The following NYAP2 variants were observed in gnomAD, a reference collection of about 807,000 sequenced individuals.
The protein encoded by NYAP2 is neuronal tyrosine-phosphorylated phosphoinositide-3-kinase adaptor 2.
A neutral mutation model predicts 50.4 loss-of-function variants in NYAP2; 23 were observed. The ratio of observed to expected loss-of-function variants is 0.46; its 90% CI spans 0.33 to 0.65. NYAP2 has a LOEUF of 0.65. NYAP2 is among the 30% of genes least tolerant of loss of function. NYAP2 has a pLI of 0.02. For synonymous variants in NYAP2, 394 were observed against 365.2 expected (o/e 1.08, Z -0.90); for missense variants, 885 against 861.0 (o/e 1.03, Z -0.35).
At chr2:225,549,057 T>A (rs1271561712) in intron 4 of NYAP2, among the ~76,000 whole-genome samples, 2 of 152,136 alleles carry the variant, frequency 1.3e-5, no homozygotes, top group Non-Finnish European at 2.9e-5. Flanking sequence ...TTTTTGTATT[T>A]TTTAGTAGAG....
intron 4 of NYAP2, among the ~76,000 whole-genome samples, chr2:225,536,848 G>A (rs996213602): frequency 1.1e-4 from 16 of 150,342 alleles, no homozygotes; most frequent in Admixed American, 8.6e-4. Flanking sequence ...GTGTGATCTC[G>A]TCTCACTGCA....
At chr2:225,410,174 C>G (rs1695011550) in intron 3 of NYAP2, among the ~76,000 whole-genome samples, 1 of 151,738 alleles carries the variant, frequency 6.6e-6, no homozygotes, top group Non-Finnish European at 1.5e-5. Context: ...GATTTGAAAG[C>G]AAAAAACTAG....
At chr2:225,563,127 C>T (rs1252114882) in intron 4 of NYAP2, among the ~76,000 whole-genome samples, 1 of 151,988 alleles carries the variant, frequency 6.6e-6, no homozygotes, top group East Asian at 1.9e-4. Context: ...AGCTGGGGCT[C>T]CAGAAGTGAG....
intron 3 of NYAP2, among the ~76,000 whole-genome samples, chr2:225,422,094 G>T (rs1048790482): frequency 1.3e-5 from 2 of 150,354 alleles, no homozygotes; most frequent in African/African-American, 4.9e-5. Context: ...TTTTGTGTTT[G>T]TTCTGTTCAG....
the NYAP2 span, among the ~76,000 whole-genome samples, chr2:225,694,707 TATAAA>T: frequency 6.6e-6 from 1 of 151,856 alleles, no homozygotes; most frequent in East Asian, 1.9e-4. Context: ...TGATAGCAGA[TATAAA>T]ATAAGAAGAT....
chr2:225,636,161 G>C lies in NYAP2; in HGVS notation c.1828+9035G>C, dbSNP rs1041222839. Among the ~76,000 whole-genome samples the C allele has an allele frequency of 2.8e-4, 42 of 152,140 alleles. 1 individual carries two copies. Among genetic ancestry groups the C allele is most frequent in the African/African-American group, 7.0e-4 (29 of 41,434 alleles). ...GAATGTTATAAGTAAGCCAAGCACA[G>C]CTGGCTAAAGGGAAGGCCATTCAAA... On this transcript the variant is annotated intron_variant, in intron 6 of 6. Coordinates refer to ENST00000636099, the Ensembl canonical transcript of NYAP2.
intron 5 of NYAP2, 91 bp downstream of exon 5, chr2:225,583,126 AC>A (rs1207760856): frequency 1.4e-6 from 2 of 1,434,724 alleles, no homozygotes; most frequent in African/African-American, 2.8e-5. Context: ...CGCACAGAGT[AC>A]GGGGTCTTGA....
chr2:225,677,680 TTTTG>T, the NYAP2 span, among the ~76,000 whole-genome samples: 1 of 151,300 alleles, frequency 6.6e-6, no homozygotes, highest in Admixed American at 6.6e-5. Flanking sequence ...AGCATATGGT[TTTTG>T]TTTCTGATTC....
chr2:225,582,473 G>A lies in NYAP2; in HGVS notation c.1056G>A (p.Glu352=), dbSNP rs1482420429. Reference sequence around the variant, plus strand: ...TGCATTGCTCCCCCAACTCCGACGAGTCCCCGCTTACCCCTCTGGAGGTCA... The same window carrying A: ...TGCATTGCTCCCCCAACTCCGACGAATCCCCGCTTACCCCTCTGGAGGTCA... Residue 352 remains glutamate, a synonymous_variant, in exon 5 of 7, where the codon GAG becomes GAA. Transcript: ENST00000636099. The surrounding 1 kb of genome is among the most constrained non-coding windows in gnomAD (Gnocchi z 7.0). 1 of 1,475,690 alleles carries A rather than the reference G, an allele frequency of 6.8e-7. No homozygotes were observed. The highest frequency in any genetic ancestry group is 2.0e-5 in the Admixed American group (1 of 49,004). 91.4% of individuals were successfully genotyped at this position (1,475,690 alleles called of 1,614,324 possible). A position where few individuals can be genotyped will look rare whatever the true frequency, so the allele number is the denominator to read the frequency against.
At chr2:225,438,915 C>CA (rs1208656233) in intron 3 of NYAP2, among the ~76,000 whole-genome samples, 1 of 152,088 alleles carries the variant, frequency 6.6e-6, no homozygotes, top group African/African-American at 2.4e-5. Context: ...CAGAAGTACC[C>CA]AAGTATAATG....
downstream of NYAP2, among the ~76,000 whole-genome samples, chr2:225,658,510 G>A (rs904503944): frequency 6.6e-6 from 1 of 152,310 alleles, no homozygotes; most frequent in Non-Finnish European, 1.5e-5. Context: ...GTGAAATGTG[G>A]AATAAATTCA....
At chr2:225,451,924 C>T (rs1435768932) in intron 3 of NYAP2, among the ~76,000 whole-genome samples, 1 of 151,738 alleles carries the variant, frequency 6.6e-6, no homozygotes, top group African/African-American at 2.4e-5. Flanking sequence ...CTCCCAATTT[C>T]TCTCTCTCTC....
chr2:225,409,057 A>G (rs761919175), exon 3 of NYAP2: 44 of 1,611,212 alleles, frequency 2.7e-5, no homozygotes, highest in Non-Finnish European at 3.6e-5. Flanking sequence ...CCTATTTGAA[A>G]GAGAAGAATG....
chr2:225,532,135 C>CTT (rs1441273957), intron 4 of NYAP2, among the ~76,000 whole-genome samples: 3 of 152,146 alleles, frequency 2.0e-5, no homozygotes, highest in African/African-American at 7.2e-5. Flanking sequence ...TCCGGTTTCA[C>CTT]TTAGCCATTT....
chr2:225,433,425 C>A (rs1436894038), intron 3 of NYAP2, among the ~76,000 whole-genome samples: 1 of 151,560 alleles, frequency 6.6e-6, no homozygotes, highest in Non-Finnish European at 1.5e-5. Flanking sequence ...TTGCCAAAAT[C>A]CTGGCGTATG....
intron 3 of NYAP2, among the ~76,000 whole-genome samples, chr2:225,428,780 G>A (rs1695323694): frequency 6.6e-6 from 1 of 152,148 alleles, no homozygotes; most frequent in Non-Finnish European, 1.5e-5. Flanking sequence ...GAGTTCTTTG[G>A]ATTATTGATC....
chr2:225,565,906 A>C (rs1691952258), intron 4 of NYAP2, among the ~76,000 whole-genome samples: 1 of 151,988 alleles, frequency 6.6e-6, no homozygotes, highest in Admixed American at 6.6e-5. Context: ...AACGGTAAAA[A>C]AATGCCCTTA....
chr2:225,665,425 A>G, the NYAP2 span, among the ~76,000 whole-genome samples: 4 of 152,114 alleles, frequency 2.6e-5, no homozygotes, highest in African/African-American at 9.7e-5. Context: ...AACCGAAAGA[A>G]GGTCTCTCCC....
chr2:225,410,049 T>A (rs755684144), intron 3 of NYAP2, among the ~76,000 whole-genome samples: 2 of 152,114 alleles, frequency 1.3e-5, no homozygotes, highest in Non-Finnish European at 2.9e-5. Context: ...CGCTGTGATA[T>A]TTAAAAAACC....
Sources: gnomAD v4.1 joint callset for allele counts (sites outside exome capture counted in the v4.1 genomes callset) on GRCh38, gnomAD v4.1.1 for gene constraint, Gnocchi (gnomAD v3.1) non-coding constraint, MANE v1.5 for transcripts, NCBI Gene and HGNC (gene_info 2026-07-23, HGNC 2026-07-21) for gene names.